The following RFTN1 variants were observed in gnomAD, a reference collection of about 807,000 sequenced individuals.
RFTN1 encodes the protein raftlin.
In RFTN1, 26 loss-of-function variants were observed where a neutral mutation model predicts 46.5. That is an observed-to-expected ratio of 0.56 (90% CI 0.41 to 0.78). The LOEUF is 0.78. Among genes scored for constraint, RFTN1 ranks in the 30% least tolerant of loss-of-function variants. The pLI is 0.00. For missense variants in RFTN1, 693 were observed against 718.7 expected, an observed-to-expected ratio of 0.96 and a Z score of 0.41; for synonymous variants, 261 against 284.2, an observed-to-expected ratio of 0.92 and a Z score of 0.82.
chr3:16,379,745 T>C (rs1465711869), intron 4 of RFTN1, among the ~76,000 whole-genome samples: 7 of 152,218 alleles, frequency 4.6e-5, no homozygotes, highest in Non-Finnish European at 1.0e-4. Flanking sequence ...TCTATTCCAT[T>C]CTGAAAATTT....
chr3:16,486,962 T>C (rs936271156), intron 2 of RFTN1, among the ~76,000 whole-genome samples: 1 of 152,216 alleles, frequency 6.6e-6, no homozygotes, highest in Non-Finnish European at 1.5e-5. Flanking sequence ...TCTCACTCTC[T>C]CTGTCTTCCC....
rs1302425327 is a variant in RFTN1 at position 16,402,720 on chromosome 3, T to C, written c.441+6655A>G. On this transcript the variant is annotated intron_variant, in intron 4 of 9. Transcript: ENST00000334133. This position sits in a 1 kb window ranked among gnomAD's most constrained non-coding sequence, Gnocchi z 4.5. ...CATTAAAAGAAGCCATTGAGATTTT[T>C]CCATCTGTCAAGGTGCTTTCTTTAG... Among the ~76,000 whole-genome samples, 1 of 152,190 alleles carries C rather than the reference T, an allele frequency of 6.6e-6. No individual in the cohort carries two copies. The highest frequency in any genetic ancestry group is 1.5e-5 in the Non-Finnish European group (1 of 68,026).
At chr3:16,328,961 A>G (rs1001274129) in intron 7 of RFTN1, among the ~76,000 whole-genome samples, 1 of 152,242 alleles carries the variant, frequency 6.6e-6, no homozygotes, top group African/African-American at 2.4e-5. Context: ...AGGGGAGAAA[A>G]GAAGGAAAGT....
In RFTN1 at chr3:16,356,044, C is replaced by T. The variant is rs2072412689; in HGVS notation, c.1146+1888G>A. On this transcript the variant is annotated intron_variant, in intron 7 of 9. Transcript: ENST00000334133. This position sits in a 1 kb window ranked among gnomAD's most constrained non-coding sequence, Gnocchi z 4.9. ...TGTTACGGAGCAAACTGAATGCCGG[C>T]TGCTCAGTCCTTCAGATCCTCAACT... Among the ~76,000 whole-genome samples, 1 of 152,232 alleles carries T rather than the reference C, an allele frequency of 6.6e-6. No individual in the cohort carries two copies. The highest frequency in any genetic ancestry group is 1.5e-5 in the Non-Finnish European group (1 of 68,042).
At chr3:16,362,839 A>G (rs1209092842) in intron 6 of RFTN1, among the ~76,000 whole-genome samples, 1 of 152,110 alleles carries the variant, frequency 6.6e-6, no homozygotes, top group Non-Finnish European at 1.5e-5. Context: ...CAGAAGAGGG[A>G]AGGGGACACT....
In RFTN1 at chr3:16,480,144, CAGACA is replaced by C. The variant is rs142864765; in HGVS notation, c.145+13576_145+13580del. Among the ~76,000 whole-genome samples, 5,008 of 152,308 alleles carry C rather than the reference CAGACA, an allele frequency of 0.033. 128 individuals carry two copies. Among genetic ancestry groups the C allele is most frequent in the Middle Eastern group, 0.065 (19 of 294 alleles). The stretch of plus-strand genomic sequence containing the variant: ...GATCAATTTTGTTAAGTAACTTTGC[CAGACA>C]AGACTGCTTTCTCCAAAAAGAAAAG... On this transcript the variant is annotated intron_variant, in intron 2 of 9. Coordinates refer to ENST00000334133, the MANE Select transcript of RFTN1 (RefSeq NM_015150.2). The surrounding 1 kb of genome is among the most constrained non-coding windows in gnomAD (Gnocchi z 4.3).
intron 3 of RFTN1, among the ~76,000 whole-genome samples, chr3:16,414,536 G>A (rs1424027798): frequency 7.3e-5 from 11 of 151,496 alleles, no homozygotes; most frequent in African/African-American, 2.2e-4. Flanking sequence ...CCTGGGAGGC[G>A]GAGGTTGCAG....
chr3:16,434,361 TAAACAAACAAACAAAC>T (rs138527155), intron 2 of RFTN1, among the ~76,000 whole-genome samples: 2 of 138,152 alleles, frequency 1.4e-5, no homozygotes, highest in Non-Finnish European at 3.2e-5. Context: ...CGGTCTCTCT[TAAACAAACAAACAAAC>T]AAACAAACAA....
rs146400002 is a variant in RFTN1 at position 16,410,877 on chromosome 3, G to A, written c.333-1394C>T. ...ACAGCCATTCACAGGCAGGGCTCCT[G>A]TATGACACTAGAGTGGAAATCACGT... is the stretch of plus-strand genomic sequence containing the variant. On this transcript the variant is annotated intron_variant, in intron 3 of 9. Coordinates refer to ENST00000334133, the MANE Select transcript of RFTN1 (RefSeq NM_015150.2). This position sits in a 1 kb window ranked among gnomAD's most constrained non-coding sequence, Gnocchi z 4.6. Among the ~76,000 whole-genome samples the A allele has an allele frequency of 3.2e-4, 48 of 152,356 alleles. No individual in the cohort carries two copies. The East Asian group carries it at 8.1e-3, about 26-fold the overall frequency.
chr3:16,420,516 C>T (rs112736559), intron 3 of RFTN1, among the ~76,000 whole-genome samples: 2 of 152,318 alleles, frequency 1.3e-5, no homozygotes, highest in African/African-American at 4.8e-5. Context: ...TACAAGAAGC[C>T]TCTTCTCTAC....
chr3:16,347,267 G>A (rs1273781769), intron 7 of RFTN1, among the ~76,000 whole-genome samples: 1 of 152,212 alleles, frequency 6.6e-6, no homozygotes, highest in Non-Finnish European at 1.5e-5. Context: ...GGGCAACCCT[G>A]GAGAGACGTC....
Position 16,421,643 on chromosome 3 carries a change from C to A in RFTN1, c.333-12160G>T, listed in dbSNP as rs540326630. 6.6e-6 allele frequency among the ~76,000 whole-genome samples: 1 copy of A among 152,188 alleles called. No homozygotes were observed. The highest frequency in any genetic ancestry group is 1.5e-5 in the Non-Finnish European group (1 of 68,036). On this transcript the variant is annotated intron_variant, in intron 3 of 9. Transcript: ENST00000334133. This position sits in a 1 kb window ranked among gnomAD's most constrained non-coding sequence, Gnocchi z 4.6. ...GGGATTACAGGTGTGAGCCACCACG[C>A]CCAGCCCAACATTGGTGTTTTAATC...
intron 1 of RFTN1, among the ~76,000 whole-genome samples, chr3:16,510,554 C>T (rs945962628): frequency 6.6e-5 from 10 of 152,174 alleles, no homozygotes; most frequent in African/African-American, 1.9e-4. Flanking sequence ...AAACATGTTC[C>T]CCACTGCCTC....
rs1252595184 is a variant in RFTN1 at position 16,376,963 on chromosome 3, C to CT, written c.826+754dup. On this transcript the variant is annotated intron_variant, in intron 5 of 9. Coordinates refer to ENST00000334133, the MANE Select transcript of RFTN1 (RefSeq NM_015150.2). This position sits in a 1 kb window ranked among gnomAD's most constrained non-coding sequence, Gnocchi z 4.7. ...CCTAAACAGAAAGCCCTCCTAAGCC[C>CT]TGGGGGTCTTCTGTTAGTTTTCATA... Among the ~76,000 whole-genome samples the CT allele has an allele frequency of 6.6e-6, 1 of 152,014 alleles. No homozygotes were observed.
Position 16,320,378 on chromosome 3 carries a change from C to G in RFTN1, c.1332+2998G>C, listed in dbSNP as rs1452135003. On this transcript the variant is annotated intron_variant, in intron 9 of 9. Coordinates refer to ENST00000334133, the MANE Select transcript of RFTN1 (RefSeq NM_015150.2). This position sits in a 1 kb window ranked among gnomAD's most constrained non-coding sequence, Gnocchi z 4.5. ...CCTCGGTGTGCCAATCTTGCAGTTTCTTTTCTTAAGTTTTAATGCTAGACA... is the reference window on the plus strand; with the variant it reads ...CCTCGGTGTGCCAATCTTGCAGTTTGTTTTCTTAAGTTTTAATGCTAGACA... Among the ~76,000 whole-genome samples the G allele has an allele frequency of 1.3e-5, 2 of 152,142 alleles. No individual in the cohort carries two copies. Among genetic ancestry groups the G allele is most frequent in the Non-Finnish European group, 2.9e-5 (2 of 68,012 alleles).
At chr3:16,326,637 C>G (rs1361478285) in intron 8 of RFTN1, 136 bp downstream of exon 8, 1 of 657,182 alleles carries the variant, frequency 1.5e-6, no homozygotes, top group Non-Finnish European at 2.6e-6. Context: ...CTGCTGCTTC[C>G]CAGTGGGAGA....
Position 16,450,357 on chromosome 3 carries a change from G to C in RFTN1, c.146-16320C>G, listed in dbSNP as rs1185039404. ...ATCCTTAGCTATGGCATAGAAAGGG[G>C]AGGCTGAAGAGATAGTGTCTGGCCA... On this transcript the variant is annotated intron_variant, in intron 2 of 9. Transcript: ENST00000334133. This position sits in a 1 kb window ranked among gnomAD's most constrained non-coding sequence, Gnocchi z 4.6. Among the ~76,000 whole-genome samples, 2 of 152,170 alleles carry C rather than the reference G, an allele frequency of 1.3e-5. No homozygotes were observed. The highest frequency in any genetic ancestry group is 2.9e-5 in the Non-Finnish European group (2 of 68,032).
chr3:16,443,768 C>T lies in RFTN1; in HGVS notation c.146-9731G>A, dbSNP rs1362708560. Among the ~76,000 whole-genome samples the T allele has an allele frequency of 1.3e-5, 2 of 152,084 alleles. No homozygotes were observed. The highest frequency in any genetic ancestry group is 4.8e-5 in the African/African-American group (2 of 41,396). ...TACACACAACACACACACACACACA[C>T]ACACACACACACACACCACTGTACT... is the stretch of plus-strand genomic sequence containing the variant. On this transcript the variant is annotated intron_variant, in intron 2 of 9. Transcript: ENST00000334133. The surrounding 1 kb of genome is among the most constrained non-coding windows in gnomAD (Gnocchi z 5.5).
In RFTN1 at chr3:16,357,948, T is replaced by A; in HGVS notation, c.1130A>T (p.Gln377Leu). The A allele has an allele frequency of 1.2e-6, 2 of 1,611,660 alleles. No individual in the cohort carries two copies. Among genetic ancestry groups the A allele is most frequent in the Non-Finnish European group, 1.7e-6 (2 of 1,177,894 alleles). ...CACACTTACTTCCAGGACTGTCCAT[T>A]GTTCAACCACAATAGCATCATAGCC... ...IQGYDAIVVE[Q>L]WTVLEGVEVQ... The change falls in exon 7 of 10, where the codon CAA (glutamine) becomes CTA (leucine). Residue 377 changes from glutamine (Q) to leucine (L), a missense_variant. Transcript: ENST00000334133.
Sources: gnomAD v4.1 joint callset for allele counts (sites outside exome capture counted in the v4.1 genomes callset) on GRCh38, gnomAD v4.1.1 for gene constraint, Gnocchi (gnomAD v3.1) non-coding constraint, MANE v1.5 for transcripts, NCBI Gene and HGNC (gene_info 2026-07-23, HGNC 2026-07-21) for gene names.